CELF2: variants seen among roughly 807,000 people sequenced by gnomAD.
The protein encoded by CELF2 is CUGBP Elav-like family member 2.
In CELF2, 8 loss-of-function variants were observed where a neutral mutation model predicts 62.6. The ratio of observed to expected loss-of-function variants is 0.13; its 90% CI spans 0.07 to 0.23. The LOEUF (loss-of-function observed/expected upper bound fraction) is 0.23, where lower values mean the gene tolerates loss of function less well. Ranked by LOEUF, CELF2 falls within the 10% of genes least tolerant of loss-of-function variation. The pLI, the probability that CELF2 is intolerant of heterozygous loss-of-function variation, is 1.00. For synonymous variants in CELF2, 258 were observed against 250.0 expected (o/e 1.03, Z -0.30); for missense variants, 333 against 671.0 (o/e 0.50, Z 5.56).
At chr10:10,476,757 T>C in the CELF2 span, among the ~76,000 whole-genome samples, 2 of 152,184 alleles carry the variant, frequency 1.3e-5, no homozygotes, top group Non-Finnish European at 2.9e-5. Flanking sequence ...TCTTCAATCA[T>C]ACCTTTTTTT....
Position 11,165,743 on chromosome 10 carries a change from T to TGCAGCCTGCAGGC in CELF2, c.271+62_271+63insCAGCCTGCAGGCG. 6.8e-7 allele frequency: 1 copy of TGCAGCCTGCAGGC among 1,470,270 alleles called. No homozygotes were observed. The highest frequency in any genetic ancestry group is 9.2e-7 in the Non-Finnish European group (1 of 1,089,114). 91.1% of individuals were successfully genotyped at this position (1,470,270 alleles called of 1,614,324 possible). ...GGTGGGCGTCGCGGGGCACTGGGGCTGTCCGAGCCCCCAGCCTGCAGGAGG... is the reference window on the plus strand; with the variant it reads ...GGTGGGCGTCGCGGGGCACTGGGGCTGCAGCCTGCAGGCGTCCGAGCCCCCAGCCTGCAGGAGG... On this transcript the variant is annotated intron_variant, in intron 2 of 12. Transcript: ENST00000633077. This position sits in a 1 kb window ranked among gnomAD's most constrained non-coding sequence, Gnocchi z 7.4.
intron 1 of CELF2, among the ~76,000 whole-genome samples, chr10:11,139,876 G>T (rs2132180246): frequency 6.6e-6 from 1 of 150,608 alleles, no homozygotes; most frequent in African/African-American, 2.4e-5. Context: ...ACCCCCTCAG[G>T]TCATCTCAAC....
intron 1 of CELF2, among the ~76,000 whole-genome samples, chr10:10,883,583 C>A (rs2061570037): frequency 6.6e-6 from 1 of 152,088 alleles, no homozygotes; most frequent in Admixed American, 6.6e-5. Context: ...TAGTTGTGTG[C>A]TTCTCATGCT....
chr10:10,551,161 C>G, the CELF2 span, among the ~76,000 whole-genome samples: 1 of 152,130 alleles, frequency 6.6e-6, no homozygotes, highest in Non-Finnish European at 1.5e-5. Flanking sequence ...AAATTTGAAC[C>G]AGATTAGTCT....
chr10:10,819,130 A>G (rs1226403687), intron 1 of CELF2, among the ~76,000 whole-genome samples: 1 of 152,166 alleles, frequency 6.6e-6, no homozygotes, highest in African/African-American at 2.4e-5. Flanking sequence ...CATCTCTAAC[A>G]TGGGAATGAT....
intron 2 of CELF2, among the ~76,000 whole-genome samples, chr10:10,958,337 T>C (rs1031706959): frequency 6.6e-6 from 1 of 152,136 alleles, no homozygotes; most frequent in African/African-American, 2.4e-5. Context: ...AACCACATTT[T>C]AAAAGGGGAA....
At position 11,154,401 on chromosome 10, in the gene CELF2, C is replaced by T. The variant is rs189174771; in HGVS notation, c.75-11085C>T. 2.6e-4 allele frequency among the ~76,000 whole-genome samples: 40 copies of T among 152,250 alleles called. No individual in the cohort carries two copies. In the Middle Eastern group the frequency reaches 0.01, roughly 39 times the overall value. ...TACAATTTAGGGATTTAAAAACTAG[C>T]GAAGTAGAATGTCATTTGGCCTTTG... On this transcript the variant is annotated intron_variant, in intron 1 of 12. Coordinates refer to ENST00000633077, the MANE Select transcript of CELF2 (RefSeq NM_001326342.2).
chr10:10,727,958 C>T, the CELF2 span, among the ~76,000 whole-genome samples: 1 of 152,062 alleles, frequency 6.6e-6, no homozygotes, highest in African/African-American at 2.4e-5. Context: ...ATAAGATTCT[C>T]CCCGTGTTGC....
the CELF2 span, among the ~76,000 whole-genome samples, chr10:10,696,279 G>C: frequency 6.6e-6 from 1 of 151,970 alleles, no homozygotes; most frequent in Non-Finnish European, 1.5e-5. Flanking sequence ...GTGTCAGTGT[G>C]CCCCTGCTGG....
At chr10:10,468,000 T>G in the CELF2 span, among the ~76,000 whole-genome samples, 1 of 152,082 alleles carries the variant, frequency 6.6e-6, no homozygotes, top group African/African-American at 2.4e-5. Flanking sequence ...CAAGGCAACA[T>G]GTTTTACACT....
chr10:11,198,589 C>T (rs2058520602), intron 2 of CELF2, among the ~76,000 whole-genome samples: 1 of 152,154 alleles, frequency 6.6e-6, no homozygotes, highest in African/African-American at 2.4e-5. Flanking sequence ...GTTCTGAAAG[C>T]AGTCAGAACA....
chr10:10,696,547 T>TGG, the CELF2 span, among the ~76,000 whole-genome samples: 62 of 150,406 alleles, frequency 4.1e-4, no homozygotes, highest in Non-Finnish European at 8.2e-4. Flanking sequence ...CGAGCTTCCC[T>TGG]GCTGCTTTGT....
At chr10:10,668,993 AT>A in the CELF2 span, among the ~76,000 whole-genome samples, 3 of 152,172 alleles carry the variant, frequency 2.0e-5, no homozygotes, top group African/African-American at 7.2e-5. Context: ...TACAAAAAAA[AT>A]CTAGTTACAT....
intron 11 of CELF2, among the ~76,000 whole-genome samples, chr10:11,325,482 T>C (rs1053065177): frequency 1.3e-5 from 2 of 152,102 alleles, no homozygotes; most frequent in African/African-American, 4.8e-5. Context: ...CCTGAGAAAA[T>C]ACGGCCACCC....
chr10:11,074,784 C>G lies in CELF2; in HGVS notation c.74+56621C>G, dbSNP rs558389162. The stretch of plus-strand genomic sequence containing the variant: ...CAACTCTGAGCACATGGACACAGCT[C>G]TATTCCAACCTCTACCTAGGAAAAT... On this transcript the variant is annotated intron_variant, in intron 1 of 12. Transcript: ENST00000633077. 1.9e-3 allele frequency among the ~76,000 whole-genome samples: 291 copies of G among 152,308 alleles called. 1 individual carries two copies. Among genetic ancestry groups the G allele is most frequent in the African/African-American group, 6.8e-3 (282 of 41,564 alleles).
At chr10:11,283,857 G>A (rs2089942290) in intron 8 of CELF2, among the ~76,000 whole-genome samples, 1 of 151,156 alleles carries the variant, frequency 6.6e-6, no homozygotes, top group African/African-American at 2.4e-5. Flanking sequence ...AGGGATGAGT[G>A]TGTGGTGGGT....
chr10:10,916,978 C>T (rs1335153350), intron 1 of CELF2, among the ~76,000 whole-genome samples: 1 of 150,782 alleles, frequency 6.6e-6, no homozygotes, highest in South Asian at 2.1e-4. Flanking sequence ...ACATTTGTAT[C>T]TAATTCAACA....
intron 1 of CELF2, among the ~76,000 whole-genome samples, chr10:11,019,327 A>G (rs56363627): frequency 0.17 from 25,584 of 152,122 alleles, 2,696 homozygotes; most frequent in African/African-American, 0.3. Context: ...TAATCCAGTG[A>G]GAAAAAAATG....
the CELF2 span, among the ~76,000 whole-genome samples, chr10:10,577,037 G>A: frequency 6.6e-6 from 1 of 152,146 alleles, no homozygotes; most frequent in South Asian, 2.1e-4. Flanking sequence ...TCAAAACAGT[G>A]GGCTCAGAGC....
Sources: allele counts gnomAD v4.1 joint callset (sites outside exome capture counted in the v4.1 genomes callset), GRCh38; gene constraint gnomAD v4.1.1; non-coding constraint Gnocchi (gnomAD v3.1); transcripts MANE v1.5; gene names NCBI Gene and HGNC (gene_info 2026-07-23, HGNC 2026-07-21).